The following LAMA2 variants were observed in gnomAD, a reference collection of about 807,000 sequenced individuals.
LAMA2 encodes laminin subunit alpha 2.
A neutral mutation model predicts 364.8 loss-of-function variants in LAMA2; 269 were observed. That is an observed-to-expected ratio of 0.74 (90% CI 0.67 to 0.82). The LOEUF is 0.82. Among genes scored for constraint, LAMA2 ranks in the 40% least tolerant of loss-of-function variants. The pLI is 0.00. For synonymous variants in LAMA2, 1,379 were observed against 1,370.6 expected (o/e 1.01, Z -0.14); for missense variants, 3,807 against 3,873.2 (o/e 0.98, Z 0.45).
At chr6:129,418,960 T>C (rs1780935466) in intron 40 of LAMA2, among the ~76,000 whole-genome samples, 1 of 152,160 alleles carries the variant, frequency 6.6e-6, no homozygotes, top group South Asian at 2.1e-4. Flanking sequence ...TAAATCGAGG[T>C]ATTTAAAAAT....
At chr6:129,018,168 A>G (rs1453362137) in intron 1 of LAMA2, among the ~76,000 whole-genome samples, 1 of 152,048 alleles carries the variant, frequency 6.6e-6, no homozygotes, top group Non-Finnish European at 1.5e-5. Context: ...TTTTGAAATA[A>G]TAGTTTCAGG....
intron 8 of LAMA2, among the ~76,000 whole-genome samples, chr6:129,159,840 C>T (rs1779348837): frequency 6.6e-6 from 1 of 152,084 alleles, no homozygotes; most frequent in African/African-American, 2.4e-5. Flanking sequence ...ATATGCTTTT[C>T]GAAACCTACT....
chr6:129,208,708 G>GA (rs201877199), intron 12 of LAMA2, among the ~76,000 whole-genome samples: 9,249 of 113,154 alleles, frequency 0.082, 560 homozygotes, highest in African/African-American at 0.21. Context: ...AGGAAGGAAG[G>GA]AAAAGGGAGG....
At chr6:129,390,964 T>C (rs919954800) in intron 35 of LAMA2, among the ~76,000 whole-genome samples, 4 of 152,158 alleles carry the variant, frequency 2.6e-5, no homozygotes, top group Admixed American at 2.0e-4. Context: ...AGAAGGGTTA[T>C]AAGTCTAGAC....
At chr6:129,308,372 T>C in intron 22 of LAMA2, among the ~76,000 whole-genome samples, 1 of 152,220 alleles carries the variant, frequency 6.6e-6, no homozygotes, top group East Asian at 1.9e-4. Flanking sequence ...AGTTCCGTTT[T>C]ATCCACAGAA....
chr6:128,890,575 C>T (rs1481089612), intron 1 of LAMA2, among the ~76,000 whole-genome samples: 2 of 136,004 alleles, frequency 1.5e-5, no homozygotes, highest in Non-Finnish European at 3.1e-5. Context: ...ACACATGCTG[C>T]TTATTACTAT....
At chr6:128,914,672 A>G (rs1409624726) in intron 1 of LAMA2, among the ~76,000 whole-genome samples, 5 of 152,128 alleles carry the variant, frequency 3.3e-5, no homozygotes, top group African/African-American at 1.2e-4. Flanking sequence ...GGACACCTCA[A>G]TTTAGAAGAG....
At chr6:128,946,775 T>C (rs1430962810) in intron 1 of LAMA2, among the ~76,000 whole-genome samples, 1 of 152,204 alleles carries the variant, frequency 6.6e-6, no homozygotes, top group African/African-American at 2.4e-5. Flanking sequence ...AGCGCCCAGT[T>C]GGAACATTTC....
chr6:129,329,222 A>G (rs1775479455), intron 29 of LAMA2, among the ~76,000 whole-genome samples: 1 of 152,134 alleles, frequency 6.6e-6, no homozygotes, highest in South Asian at 2.1e-4. Flanking sequence ...GCCTTGTGGA[A>G]CTCATGGTCA....
At chr6:129,092,626 T>C (rs973307422) in intron 3 of LAMA2, among the ~76,000 whole-genome samples, 17 of 152,296 alleles carry the variant, frequency 1.1e-4, no homozygotes, top group Admixed American at 1.3e-4. Context: ...TTTCGTTCCA[T>C]GCACATCAAT....
chr6:129,444,830 C>G (rs1406973916), intron 44 of LAMA2, among the ~76,000 whole-genome samples: 1 of 152,170 alleles, frequency 6.6e-6, no homozygotes, highest in Admixed American at 6.5e-5. Context: ...ACAATACACA[C>G]TTAATCAGAT....
At chr6:129,067,305 T>C (rs1789431664) in intron 3 of LAMA2, among the ~76,000 whole-genome samples, 1 of 152,338 alleles carries the variant, frequency 6.6e-6, no homozygotes, top group South Asian at 2.1e-4. Flanking sequence ...CTGTTTTAAT[T>C]GTATATAGAT....
At chr6:129,314,851 T>G in intron 24 of LAMA2, 53 bp downstream of exon 24, 1 of 1,596,922 alleles carries the variant, frequency 6.3e-7, no homozygotes, top group Non-Finnish European at 8.6e-7. Context: ...TTCCTGCTGG[T>G]GTCTTTTAGT....
At chr6:129,035,922 C>A (rs2114743309) in intron 1 of LAMA2, among the ~76,000 whole-genome samples, 1 of 152,138 alleles carries the variant, frequency 6.6e-6, no homozygotes, top group Non-Finnish European at 1.5e-5. Flanking sequence ...TGATGTGATG[C>A]CCCCAGCGTT....
intron 3 of LAMA2, among the ~76,000 whole-genome samples, chr6:129,095,183 G>T (rs902088219): frequency 6.6e-6 from 1 of 152,160 alleles, no homozygotes; most frequent in Non-Finnish European, 1.5e-5. Context: ...ATAACTTGTG[G>T]CTTACTGTCC....
intron 37 of LAMA2, among the ~76,000 whole-genome samples, chr6:129,396,810 T>C (rs1253939393): frequency 6.6e-6 from 1 of 151,790 alleles, no homozygotes; most frequent in Non-Finnish European, 1.5e-5. Context: ...ACCCTATCTC[T>C]ATAGAAAAAT....
chr6:129,058,408 C>T (rs771970939), intron 2 of LAMA2, among the ~76,000 whole-genome samples: 7 of 151,714 alleles, frequency 4.6e-5, no homozygotes, highest in Non-Finnish European at 4.4e-5. Flanking sequence ...GGGGTTGCCA[C>T]GCCTCCTATT....
chr6:129,227,649 G>T (rs1583295900), intron 12 of LAMA2, among the ~76,000 whole-genome samples: 1 of 152,274 alleles, frequency 6.6e-6, no homozygotes, highest in East Asian at 1.9e-4. Flanking sequence ...AGCAGATATT[G>T]CTGAACAGCA....
At chr6:129,356,795 G>A (rs961627180) in intron 32 of LAMA2, among the ~76,000 whole-genome samples, 2 of 152,026 alleles carry the variant, frequency 1.3e-5, no homozygotes, top group African/African-American at 4.8e-5. Flanking sequence ...TGTAATCTCA[G>A]TAATGACATT....
Sources: gnomAD v4.1 joint callset for allele counts (sites outside exome capture counted in the v4.1 genomes callset) on GRCh38, gnomAD v4.1.1 for gene constraint, MANE v1.5 for transcripts, NCBI Gene and HGNC (gene_info 2026-07-23, HGNC 2026-07-21) for gene names.